Variants in KLHL20 observed in about 807,000 individuals in gnomAD.
KLHL20 encodes the protein kelch like family member 20, also known as kelch-like protein 20.
A neutral mutation model predicts 69.5 loss-of-function variants in KLHL20; 29 were observed. The ratio of observed to expected loss-of-function variants is 0.42; its 90% CI spans 0.31 to 0.57. KLHL20 has a LOEUF of 0.57. Ranked by LOEUF, KLHL20 falls within the 20% of genes least tolerant of loss-of-function variation. The pLI is 0.18. For missense variants in KLHL20, 419 were observed against 776.0 expected (o/e 0.54, Z 5.47); for synonymous variants, 253 against 265.2 (o/e 0.95, Z 0.45).
chr1:173,767,559 C>G (rs1451415381), intron 8 of KLHL20, among the ~76,000 whole-genome samples: 1 of 151,974 alleles, frequency 6.6e-6, no homozygotes, highest in African/African-American at 2.4e-5. Context: ...TGTTATCTAT[C>G]TTTTTTAATA....
intron 10 of KLHL20, among the ~76,000 whole-genome samples, chr1:173,781,080 C>T (rs1648845033): frequency 6.6e-6 from 1 of 151,340 alleles, no homozygotes. Flanking sequence ...GAAGAAAACA[C>T]CAGCCAGGGA....
intron 3 of KLHL20, among the ~76,000 whole-genome samples, chr1:173,745,170 C>CTTT (rs796578983): frequency 1.6e-4 from 19 of 115,526 alleles, no homozygotes; most frequent in South Asian, 2.9e-4. Context: ...TTTCTTTTTT[C>CTTT]TTTTTTTTTT....
intron 6 of KLHL20, among the ~76,000 whole-genome samples, 200 bp downstream of exon 6, chr1:173,756,238 C>T (rs1673541171): frequency 1.5e-5 from 2 of 134,206 alleles, no homozygotes; most frequent in African/African-American, 8.0e-5. Context: ...CATTCAACAC[C>T]TTTAATATCT....
intron 2 of KLHL20, among the ~76,000 whole-genome samples, chr1:173,729,691 C>CT (rs1472058136): frequency 3.3e-5 from 5 of 152,114 alleles, no homozygotes; most frequent in African/African-American, 9.7e-5. Flanking sequence ...GCTAAAAACT[C>CT]TCAATAAATT....
At chr1:173,750,285 T>C (rs1673245776) in intron 3 of KLHL20, among the ~76,000 whole-genome samples, 1 of 152,190 alleles carries the variant, frequency 6.6e-6, no homozygotes, top group South Asian at 2.1e-4. Context: ...TTTTTCCTAA[T>C]GCACTCGAGA....
intron 9 of KLHL20, 42 bp from the exon 10 acceptor site, chr1:173,775,592 A>C (rs376602210): frequency 6.5e-7 from 1 of 1,535,096 alleles, no homozygotes; most frequent in South Asian, 1.1e-5. Context: ...GGTGAGAGGA[A>C]ATGGTTGAAT....
At chr1:173,746,462 C>CT (rs1451388290) in intron 3 of KLHL20, among the ~76,000 whole-genome samples, 1 of 151,976 alleles carries the variant, frequency 6.6e-6, no homozygotes, top group East Asian at 1.9e-4. Context: ...AATTTTCTTT[C>CT]TTTTCAGGCA....
intron 2 of KLHL20, among the ~76,000 whole-genome samples, chr1:173,729,278 G>A (rs867330873): frequency 4.6e-5 from 7 of 152,130 alleles, no homozygotes; most frequent in South Asian, 2.1e-4. Context: ...ATTCACAGCC[G>A]AATTCTACCA....
At chr1:173,729,018 A>G (rs1229332948) in intron 2 of KLHL20, among the ~76,000 whole-genome samples, 1 of 152,190 alleles carries the variant, frequency 6.6e-6, no homozygotes, top group Admixed American at 6.5e-5. Flanking sequence ...AATCAAATAG[A>G]CGCAATAAAA....
intron 11 of KLHL20, among the ~76,000 whole-genome samples, chr1:173,783,162 A>G (rs983659357): frequency 6.6e-6 from 1 of 152,214 alleles, no homozygotes; most frequent in African/African-American, 2.4e-5. Flanking sequence ...TTTGCCTTCC[A>G]AGCAATTTGG....
chr1:173,742,254 T>C (rs965425855), intron 3 of KLHL20, among the ~76,000 whole-genome samples: 6 of 152,240 alleles, frequency 3.9e-5, no homozygotes, highest in African/African-American at 1.4e-4. Flanking sequence ...AGATCATTGC[T>C]AGTGTGAGTA....
At chr1:173,781,055 G>GGA (rs1648842190) in intron 10 of KLHL20, among the ~76,000 whole-genome samples, 1 of 94,338 alleles carries the variant, frequency 1.1e-5, no homozygotes, top group Non-Finnish European at 2.8e-5. Flanking sequence ...GAGGGAGGTG[G>GGA]GGGAGGGGAG....
rs1270019186 is a variant in KLHL20 at position 173,786,088 on chromosome 1, C to G, written c.*841C>G. On this transcript the variant is annotated 3_prime_UTR_variant, in exon 12 of 12. Coordinates refer to ENST00000209884, the MANE Select transcript of KLHL20 (RefSeq NM_014458.4). Reference sequence around the variant, plus strand: ...CTAAAGCAACTGTCCTTCCTGTTTCCTTATTGCTACCAAGGACCAGCAGGG... The same window carrying G: ...CTAAAGCAACTGTCCTTCCTGTTTCGTTATTGCTACCAAGGACCAGCAGGG... The G allele has an allele frequency of 6.6e-6, 1 of 152,318 alleles. No homozygotes were observed. The highest frequency in any genetic ancestry group is 2.4e-5 in the African/African-American group (1 of 41,456). The allele number at this position is 152,318 out of a possible 1,614,324, so 9.4% of individuals were successfully genotyped here.
intron 10 of KLHL20, among the ~76,000 whole-genome samples, chr1:173,778,079 A>AT (rs1648591766): frequency 6.6e-6 from 1 of 150,842 alleles, no homozygotes; most frequent in African/African-American, 2.4e-5. Context: ...TCTTTTTTTT[A>AT]TTATACTTTA....
At chr1:173,728,281 C>A (rs1353258239) in intron 2 of KLHL20, among the ~76,000 whole-genome samples, 2 of 152,190 alleles carry the variant, frequency 1.3e-5, no homozygotes, top group Non-Finnish European at 2.9e-5. Context: ...TAGACTCCCA[C>A]ACAATAATAA....
chr1:173,748,483 T>G (rs564603498), intron 3 of KLHL20, among the ~76,000 whole-genome samples: 1 of 152,190 alleles, frequency 6.6e-6, no homozygotes, highest in Non-Finnish European at 1.5e-5. Context: ...ATCATTATCT[T>G]ATACTCACAT....
At chr1:173,719,455 AC>A (rs1671619684) in intron 2 of KLHL20, among the ~76,000 whole-genome samples, 1 of 152,192 alleles carries the variant, frequency 6.6e-6, no homozygotes, top group African/African-American at 2.4e-5. Flanking sequence ...TACTAAAAAT[AC>A]AAAAATTAGC....
At chr1:173,759,779 C>G (rs1233905425) in intron 7 of KLHL20, among the ~76,000 whole-genome samples, 1 of 152,110 alleles carries the variant, frequency 6.6e-6, no homozygotes, top group African/African-American at 2.4e-5. Flanking sequence ...GAGAAGGAAC[C>G]AGAAAACCAA....
At position 173,766,169 on chromosome 1, in the gene KLHL20, G is replaced by A. The variant is rs369942836; in HGVS notation, c.1175G>A (p.Trp392Ter). 6.2e-7 allele frequency: 1 copy of A among 1,609,176 alleles called. No individual in the cohort carries two copies. The highest frequency in any genetic ancestry group is 8.5e-7 in the Non-Finnish European group (1 of 1,178,098). The change falls in exon 8 of 12, where the codon TGG becomes TAG. Residue 392 changes from tryptophan (W) to a stop codon, truncating the protein, a stop_gained. Coordinates refer to ENST00000209884, the MANE Select transcript of KLHL20 (RefSeq NM_014458.4). LOFTEE classifies it high-confidence loss of function. ...AGGTATGACCCCAAAACAAACCAGT[G>A]GAGCAGTGATGTGGCCCCTACAAGC... ...VERYDPKTNQ[W>*]SSDVAPTSTC...
Sources: allele counts gnomAD v4.1 joint callset (sites outside exome capture counted in the v4.1 genomes callset), GRCh38; gene constraint gnomAD v4.1.1; transcripts MANE v1.5; gene names NCBI Gene and HGNC (gene_info 2026-07-23, HGNC 2026-07-21).